The following PPP4R4 variants were observed in gnomAD, a reference collection of about 807,000 sequenced individuals.
PPP4R4 encodes the protein serine/threonine-protein phosphatase 4 regulatory subunit 4.
A neutral mutation model predicts 121.8 loss-of-function variants in PPP4R4; 70 were observed. The observed-to-expected ratio is 0.57, with a 90% CI of 0.47 to 0.70. The LOEUF is 0.70. Among genes scored for constraint, PPP4R4 ranks in the 30% least tolerant of loss-of-function variants. The pLI is 0.00. For missense variants in PPP4R4, 875 were observed against 1,033.6 expected (o/e 0.85, Z 2.10); for synonymous variants, 348 against 355.7 (o/e 0.98, Z 0.24).
chr14:94,193,249 T>G (rs1889698269), intron 2 of PPP4R4, among the ~76,000 whole-genome samples: 1 of 151,590 alleles, frequency 6.6e-6, no homozygotes, highest in Non-Finnish European at 1.5e-5. Context: ...GGAGCAGGAG[T>G]GGGATAGGAA....
intron 3 of PPP4R4, among the ~76,000 whole-genome samples, chr14:94,208,902 G>A: frequency 6.6e-6 from 1 of 151,856 alleles, no homozygotes. Context: ...TATATTAATA[G>A]TATTTGTATA....
Position 94,239,599 on chromosome 14 carries a change from C to T in PPP4R4, c.854-1074C>T, listed in dbSNP as rs540966126. ...TGGCCCTTAGACCAAATCTGGCCCA[C>T]CGCCTGTTTTTGTGAATAAAGTTTA... is the stretch of plus-strand genomic sequence containing the variant. On this transcript the variant is annotated intron_variant, in intron 8 of 24. Coordinates refer to ENST00000304338, the MANE Select transcript of PPP4R4 (RefSeq NM_058237.2). Among the ~76,000 whole-genome samples the T allele has an allele frequency of 1.6e-4, 25 of 152,138 alleles. No individual in the cohort carries two copies. In the South Asian group the frequency reaches 4.6e-3, roughly 28 times the overall value.
chr14:94,217,834 A>C (rs2139480179), intron 3 of PPP4R4, among the ~76,000 whole-genome samples: 1 of 152,178 alleles, frequency 6.6e-6, no homozygotes, highest in East Asian at 1.9e-4. Context: ...ATCTCTAGTA[A>C]AAATACAAAA....
chr14:94,238,621 G>GC (rs1892467977), intron 8 of PPP4R4, among the ~76,000 whole-genome samples: 1 of 152,182 alleles, frequency 6.6e-6, no homozygotes, highest in Non-Finnish European at 1.5e-5. Flanking sequence ...TGAATGTATG[G>GC]CTAGACTCTT....
chr14:94,262,436 A>T (rs997609518), intron 19 of PPP4R4, among the ~76,000 whole-genome samples: 5 of 151,324 alleles, frequency 3.3e-5, no homozygotes, highest in African/African-American at 4.9e-5. Flanking sequence ...TTTTTTGGAA[A>T]TTTTTTTTGC....
chr14:94,197,010 G>A (rs1889909309), intron 2 of PPP4R4, among the ~76,000 whole-genome samples: 1 of 152,052 alleles, frequency 6.6e-6, no homozygotes, highest in African/African-American at 2.4e-5. Flanking sequence ...TGTGGTTCAG[G>A]ATAGCTTTTC....
rs866318939 is a variant in PPP4R4, at chr14:94,259,189, A to T, written c.2053-106A>T. The T allele has an allele frequency of 2.4e-4, 354 of 1,483,062 alleles. 2 individuals carry two copies. In the Middle Eastern group the frequency reaches 4.1e-3, roughly 17 times the overall value. 91.9% of individuals were successfully genotyped at this position (1,483,062 alleles called of 1,614,324 possible). A position where few individuals can be genotyped will look rare whatever the true frequency, so the allele number is the denominator to read the frequency against. On this transcript the variant is annotated intron_variant, in intron 18 of 24. Coordinates refer to ENST00000304338, the MANE Select transcript of PPP4R4 (RefSeq NM_058237.2). ...AGGGGAGCTACAAGATGAAATTTGG[A>T]TGGGGACACAGAGTCAAACCATATC...
chr14:94,225,459 A>G (rs1298934797), intron 3 of PPP4R4, among the ~76,000 whole-genome samples: 1 of 152,088 alleles, frequency 6.6e-6, no homozygotes, highest in African/African-American at 2.4e-5. Context: ...CAGTAGGAAT[A>G]AGGGCAGTCC....
Position 94,174,559 on chromosome 14 carries a change from A to G in PPP4R4, c.94A>G (p.Arg32Gly), listed in dbSNP as rs1888553525. ...CCTGCAGGAGCTCACCATCATCGAGAGGCCGGTCCGCCGGAGCCTCAAGGT... is the reference window on the plus strand; with the variant it reads ...CCTGCAGGAGCTCACCATCATCGAGGGGCCGGTCCGCCGGAGCCTCAAGGT... ...EDLQELTIIE[R>G]PVRRSLKTPE... Residue 32 changes from arginine to glycine, a missense_variant, in exon 1 of 25, where the codon AGG becomes GGG. Transcript: ENST00000304338. 2 of 1,611,880 alleles carry G rather than the reference A, an allele frequency of 1.2e-6. No homozygotes were observed. The highest frequency in any genetic ancestry group is 1.7e-6 in the Non-Finnish European group (2 of 1,179,068).
At chr14:94,250,141 T>C (rs1431500545) in intron 14 of PPP4R4, 31 bp from the exon 15 acceptor site, 16 of 1,410,480 alleles carry the variant, frequency 1.1e-5, no homozygotes, top group African/African-American at 7.1e-5. Context: ...ATTAGCCTAG[T>C]GTAACTGTCT....
In PPP4R4 at chr14:94,244,717, T is replaced by A; in HGVS notation, c.1344+5T>A. On this transcript the variant is annotated splice_donor_5th_base_variant and intron_variant, in intron 12 of 24. Coordinates refer to ENST00000304338, the MANE Select transcript of PPP4R4 (RefSeq NM_058237.2). ...TTACAAGATGAATCACTGGAGGTAATATTTTCTTACTCTTTGATTTTTAAT... is the reference window on the plus strand; with the variant it reads ...TTACAAGATGAATCACTGGAGGTAAAATTTTCTTACTCTTTGATTTTTAAT... The A allele has an allele frequency of 1.3e-6, 2 of 1,489,770 alleles. No individual in the cohort carries two copies. Among genetic ancestry groups the A allele is most frequent in the Non-Finnish European group, 9.1e-7 (1 of 1,103,758 alleles). The allele number at this position is 1,489,770 out of a possible 1,614,324, so 92.3% of individuals were successfully genotyped here.
chr14:94,245,964 AG>A (rs2139583312), intron 13 of PPP4R4, among the ~76,000 whole-genome samples: 1 of 152,322 alleles, frequency 6.6e-6, no homozygotes, highest in African/African-American at 2.4e-5. Flanking sequence ...ATAGGACAAA[AG>A]GGTAGAAATT....
chr14:94,246,309 G>A (rs1407955536), intron 13 of PPP4R4, 48 bp from the exon 14 acceptor site: 9 of 1,510,632 alleles, frequency 6.0e-6, no homozygotes, highest in Non-Finnish European at 8.1e-6. Flanking sequence ...ATTTTACTGA[G>A]TGCTGCAATT....
chr14:94,204,110 C>G (rs1269510839), intron 2 of PPP4R4, among the ~76,000 whole-genome samples: 1 of 152,038 alleles, frequency 6.6e-6, no homozygotes, highest in African/African-American at 2.4e-5. Flanking sequence ...TTGTCTAGCC[C>G]TAGATCTAGA....
intron 3 of PPP4R4, among the ~76,000 whole-genome samples, chr14:94,223,462 TC>T (rs1405807757): frequency 1.3e-5 from 2 of 152,128 alleles, no homozygotes; most frequent in African/African-American, 2.4e-5. Context: ...CTGCCCTTAT[TC>T]CCTACTGCAG....
At chr14:94,207,876 C>G (rs1890545813) in intron 2 of PPP4R4, among the ~76,000 whole-genome samples, 1 of 151,784 alleles carries the variant, frequency 6.6e-6, no homozygotes, top group African/African-American at 2.4e-5. Flanking sequence ...ATTTTGATAA[C>G]TCCTTAATGA....
intron 2 of PPP4R4, among the ~76,000 whole-genome samples, chr14:94,188,347 G>A (rs555436144): frequency 1.3e-5 from 2 of 152,088 alleles, no homozygotes; most frequent in South Asian, 2.1e-4. Context: ...CTAATATTTT[G>A]TGGAGGATTT....
chr14:94,175,057 G>T (rs964134003), intron 1 of PPP4R4, among the ~76,000 whole-genome samples: 1 of 140,384 alleles, frequency 7.1e-6, no homozygotes, highest in Non-Finnish European at 1.5e-5. Context: ...CCTCTGGTCC[G>T]CTGACGCCGC....
At chr14:94,215,550 G>A (rs1890976866) in intron 3 of PPP4R4, among the ~76,000 whole-genome samples, 1 of 152,068 alleles carries the variant, frequency 6.6e-6, no homozygotes, top group Non-Finnish European at 1.5e-5. Flanking sequence ...GACACTGATA[G>A]GAAGGAATGT....
Sources: gnomAD v4.1 joint callset for allele counts (sites outside exome capture counted in the v4.1 genomes callset) on GRCh38, gnomAD v4.1.1 for gene constraint, MANE v1.5 for transcripts, NCBI Gene and HGNC (gene_info 2026-07-23, HGNC 2026-07-21) for gene names.